The following LAMA5 variants were observed in gnomAD, a reference collection of about 807,000 sequenced individuals.
The protein encoded by LAMA5 is laminin subunit alpha-5.
Under a neutral mutation model 433.4 loss-of-function variants are expected in LAMA5, and 260 were observed. The ratio of observed to expected loss-of-function variants is 0.60; its 90% confidence interval spans 0.54 to 0.66. The LOEUF (loss-of-function observed/expected upper bound fraction) is 0.66. Ranked by LOEUF, LAMA5 falls within the 30% of genes least tolerant of loss-of-function variation. The probability of loss-of-function intolerance (pLI) is 0.00; values close to 1 mark genes in which losing one functional copy is unlikely to be tolerated. For synonymous variants in LAMA5, 2,620 were observed against 2,226.6 expected, an observed-to-expected ratio of 1.18 and a Z score of -4.97; for missense variants, 5,378 against 5,258.5, an observed-to-expected ratio of 1.02 and a Z score of -0.70.
intron 2 of LAMA5, among the ~76,000 whole-genome samples, chr20:62,358,679 C>T (rs988538140): frequency 2.6e-5 from 4 of 152,180 alleles, no homozygotes; most frequent in African/African-American, 4.8e-5. Context: ...GGAACCCAGA[C>T]TGCAGACAGC....
chr20:62,319,002 G>T lies in LAMA5; in HGVS notation c.6883C>A (p.Gln2295Lys). The T allele has an allele frequency of 6.3e-7, 1 of 1,584,594 alleles. No homozygotes were observed. Among genetic ancestry groups the T allele is most frequent in the East Asian group, 2.3e-5 (1 of 44,008 alleles). ...VDRTLSELMS[Q>K]TGHLGLANAS... ...TTGGCCAGCCCCAGGTGGCCCGTCTGGGACATGAGCTCTGTGGGGCAGGGG... is the reference window on the plus strand; with the variant it reads ...TTGGCCAGCCCCAGGTGGCCCGTCTTGGACATGAGCTCTGTGGGGCAGGGG... Residue 2295 changes from glutamine (Q) to lysine (K), a missense_variant, in exon 52 of 80, where the codon CAG becomes AAG. By Grantham distance (53) the Gln-to-Lys change is moderately conservative (BLOSUM62 1). Coordinates refer to ENST00000252999, the MANE Select transcript of LAMA5 (RefSeq NM_005560.6).
chr20:62,361,521 G>A (rs530793885), intron 2 of LAMA5, among the ~76,000 whole-genome samples: 4 of 152,318 alleles, frequency 2.6e-5, no homozygotes, highest in South Asian at 2.1e-4. Context: ...TAACACCCTC[G>A]GGACAATGGC....
At chr20:62,348,660 AT>A (rs1157998449) in intron 6 of LAMA5, among the ~76,000 whole-genome samples, 3 of 152,124 alleles carry the variant, frequency 2.0e-5, no homozygotes, top group Non-Finnish European at 2.9e-5. Context: ...AATAAAAAAA[AT>A]AACACTATGG....
chr20:62,345,999 G>C, intron 10 of LAMA5, 82 bp downstream of exon 10: 2 of 1,590,312 alleles, frequency 1.3e-6, no homozygotes, highest in African/African-American at 1.3e-5. Context: ...GGTCCATCCC[G>C]GGGAACCCCT....
At chr20:62,338,411 G>T (rs756521556) in intron 12 of LAMA5, 42 bp from the exon 13 acceptor site, 2 of 1,607,830 alleles carry the variant, frequency 1.2e-6, no homozygotes, top group South Asian at 2.2e-5. Context: ...AGAGGCACCA[G>T]GCCTCAGGTG....
At chr20:62,322,875 G>GC (rs1173681161) in intron 45 of LAMA5, 117 bp from the exon 46 acceptor site, 18 of 646,440 alleles carry the variant, frequency 2.8e-5, no homozygotes, top group African/African-American at 9.5e-5. Flanking sequence ...CAGGCCGCCC[G>GC]GACCACCCGG....
chr20:62,318,438 A>G lies in LAMA5; in HGVS notation c.7239+16T>C. ...GGGAAGAGGAGCAGGAGGAAGAACA[A>G]GTCCGGGGTCCTCACCAGGGCTTCC... On this transcript the variant is annotated intron_variant, in intron 53 of 79. Transcript: ENST00000252999. 6.4e-7 allele frequency: 1 copy of G among 1,570,202 alleles called. No individual in the cohort carries two copies. The highest frequency in any genetic ancestry group is 8.6e-7 in the Non-Finnish European group (1 of 1,162,928).
At position 62,330,866 on chromosome 20, in the gene LAMA5, C is replaced by T. The variant is rs1244454839; in HGVS notation, c.3729G>A (p.Pro1243=). The change falls in exon 30 of 80, where the codon CCG becomes CCA. Residue 1243 remains proline, a synonymous_variant. Coordinates refer to ENST00000252999, the MANE Select transcript of LAMA5 (RefSeq NM_005560.6). ...GCGCGTGGGTCAGCGGGAGGCCGGG[C>T]GGCAGCGGGATCACCTGGCAGTCCC... ...ILRDCQVIPL[P]PGLPLTHAQD... 1.9e-5 allele frequency: 29 copies of T among 1,540,134 alleles called. No individual in the cohort carries two copies. Among genetic ancestry groups the T allele is most frequent in the Middle Eastern group, 1.7e-4 (1 of 5,962 alleles).
At chr20:62,318,360 C>CGAGGGGAGGG (rs1275859043) in intron 53 of LAMA5, 94 bp downstream of exon 53, 14 of 452,060 alleles carry the variant, frequency 3.1e-5, no homozygotes, top group Admixed American at 1.5e-4. Context: ...GAGGGGAGGA[C>CGAGGGGAGGG]GAGGGGAGGG....
At chr20:62,319,102 C>T (rs1987373932) in intron 51 of LAMA5, 89 bp from the exon 52 acceptor site, 1 of 1,364,684 alleles carries the variant, frequency 7.3e-7, no homozygotes, top group Non-Finnish European at 9.7e-7. Flanking sequence ...CCCAGCCCTG[C>T]CATCCTTGGC....
chr20:62,336,778 A>C lies in LAMA5; in HGVS notation c.2173T>G (p.Cys725Gly). Residue 725 changes from cysteine (C) to glycine (G), a missense_variant, in exon 17 of 80, where the codon TGC becomes GGC. Transcript: ENST00000252999. Reference sequence around the variant, plus strand: ...ACTGGGGCCAGACCGGCAGGGTGGCAAGAGCCAGCTGTGAAGAGAGGACCA... The same window carrying C: ...ACTGGGGCCAGACCGGCAGGGTGGCCAGAGCCAGCTGTGAAGAGAGGACCA... ...YNFPYCEAGS[C>G]HPAGLAPVDP... 1 of 1,612,714 alleles carries C rather than the reference A, an allele frequency of 6.2e-7. No homozygotes were observed. The highest frequency in any genetic ancestry group is 1.7e-5 in the Admixed American group (1 of 60,012).
chr20:62,318,840 C>T lies in LAMA5; in HGVS notation c.7042+3G>A, dbSNP rs1346340905. 2 of 1,609,918 alleles carry T rather than the reference C, an allele frequency of 1.2e-6. No homozygotes were observed. Among genetic ancestry groups the T allele is most frequent in the East Asian group, 2.2e-5 (1 of 44,864 alleles). On this transcript the variant is annotated splice_donor_region_variant and intron_variant, in intron 52 of 79. Coordinates refer to ENST00000252999, the MANE Select transcript of LAMA5 (RefSeq NM_005560.6). ...CCCGCCTGCCAGGGACAACACCACTCACATCTCTGTGCTGCAGCCAACTCA... is the reference window on the plus strand; with the variant it reads ...CCCGCCTGCCAGGGACAACACCACTTACATCTCTGTGCTGCAGCCAACTCA...
intron 6 of LAMA5, 119 bp downstream of exon 6, chr20:62,351,585 G>C (rs529791515): frequency 5.7e-6 from 5 of 877,888 alleles, no homozygotes; most frequent in Admixed American, 2.0e-5. Context: ...CAGACAGCAG[G>C]GTTGTGGTGG....
chr20:62,316,948 C>T lies in LAMA5; in HGVS notation c.7587G>A (p.Leu2529=), dbSNP rs764831314. 6.4e-7 allele frequency: 1 copy of T among 1,568,004 alleles called. No individual in the cohort carries two copies. Among genetic ancestry groups the T allele is most frequent in the Non-Finnish European group, 8.7e-7 (1 of 1,153,140 alleles). ...IEASNAYSRI[L]QAVQAAEDAA... ...CATCCTCGGCAGCCTGCACGGCCTG[C>T]AGGATGCGGCTGTAGGCGTTGGAGG... Residue 2529 remains leucine (L), a synonymous_variant, in exon 56 of 80, where the codon CTG becomes CTA. Coordinates refer to ENST00000252999, the MANE Select transcript of LAMA5 (RefSeq NM_005560.6).
chr20:62,311,189 A>G lies in LAMA5; in HGVS notation c.10061T>C (p.Val3354Ala), dbSNP rs1986230337. The G allele has an allele frequency of 6.2e-7, 1 of 1,606,366 alleles. No homozygotes were observed. The highest frequency in any genetic ancestry group is 1.7e-5 in the Admixed American group (1 of 58,764). The change falls in exon 73 of 80, where the codon GTG becomes GCG. Residue 3354 changes from valine (V) to alanine (A), a missense_variant. Val to Ala is a moderately conservative substitution (Grantham distance 64, BLOSUM62 0). Coordinates refer to ENST00000252999, the MANE Select transcript of LAMA5 (RefSeq NM_005560.6). The stretch of plus-strand genomic sequence containing the variant: ...GTTCCTATGTCGGGCCAGGATGCCC[A>G]CAAACTCCAGGTGACTGGACAGGGA... ...GGSLSSHLEF[V>A]GILARHRNWP... is the part of the protein sequence containing the mutation.
chr20:62,311,418 G>A lies in LAMA5; in HGVS notation c.9925C>T (p.Gln3309Ter), dbSNP rs1986256300. 2 of 1,577,038 alleles carry A rather than the reference G, an allele frequency of 1.3e-6. No homozygotes were observed. Among genetic ancestry groups the A allele is most frequent in the African/African-American group, 2.7e-5 (2 of 74,044 alleles). ...GTGCCCACCTTCCGGGCGGTGGCCT[G>A]CAGTCCTCTAGGCCCCAGGCCCGGG... ...QTPGLGPRGL[Q>*]ATARKASRRS... The change falls in exon 72 of 80, where the codon CAG becomes TAG. Residue 3309 changes from glutamine (Q) to a stop codon, truncating the protein, a stop_gained. Coordinates refer to ENST00000252999, the MANE Select transcript of LAMA5 (RefSeq NM_005560.6). LOFTEE classifies it high-confidence loss of function.
intron 31 of LAMA5, among the ~76,000 whole-genome samples, 177 bp from the exon 32 acceptor site, chr20:62,330,093 G>A (rs75766715): frequency 0.01 from 1,536 of 152,346 alleles, 14 homozygotes; most frequent in Admixed American, 0.042. Context: ...GGGGTTGGCC[G>A]CATCATGACC....
intron 22 of LAMA5, 54 bp downstream of exon 22, chr20:62,334,132 C>T: frequency 1.3e-6 from 2 of 1,590,002 alleles, no homozygotes; most frequent in Non-Finnish European, 8.6e-7. Context: ...TCCCTGCCAG[C>T]CACGCCTGGC....
chr20:62,343,869 G>C (rs1982972720), intron 11 of LAMA5, among the ~76,000 whole-genome samples: 1 of 150,852 alleles, frequency 6.6e-6, no homozygotes, highest in Non-Finnish European at 1.5e-5. Context: ...ATCGTGCCAG[G>C]CATGGTGGTT....
Sources: gnomAD v4.1 joint callset for allele counts (sites outside exome capture counted in the v4.1 genomes callset) on GRCh38, gnomAD v4.1.1 for gene constraint, MANE v1.5 for transcripts, NCBI Gene and HGNC (gene_info 2026-07-23, HGNC 2026-07-21) for gene names.